Variants in WFDC6 observed in about 807,000 individuals in gnomAD.
WFDC6 encodes the protein WAP four-disulfide core domain 6, also known as WAP four-disulfide core domain protein 6.
Under a neutral mutation model 8.2 loss-of-function variants are expected in WFDC6, and 10 were observed. The ratio of observed to expected loss-of-function variants is 1.22; its 90% CI spans 0.75 to 2.07. The LOEUF is 2.07. Ranked by LOEUF, WFDC6 falls within the 30% of genes most tolerant of loss-of-function variation. The pLI is 0.00. For missense variants in WFDC6, 105 were observed against 104.9 expected (o/e 1.00, Z 0.00); for synonymous variants, 28 against 37.0 (o/e 0.76, Z 0.88).
In WFDC6 at chr20:45,534,368, G is replaced by C; in HGVS notation, c.*99C>G. The stretch of plus-strand genomic sequence containing the variant: ...GTGTGTAAGCAATTCCTGGGGTTCA[G>C]TTTCTGGAACAGCCAAGGTTTGGCC... On this transcript the variant is annotated 3_prime_UTR_variant, in exon 3 of 3. Coordinates refer to ENST00000372670, the MANE Select transcript of WFDC6 (RefSeq NM_080827.2). 7.0e-7 allele frequency: 1 copy of C among 1,428,042 alleles called. No individual in the cohort carries two copies. The highest frequency in any genetic ancestry group is 9.9e-7 in the Non-Finnish European group (1 of 1,011,064). 88.5% of individuals were successfully genotyped at this position (1,428,042 alleles called of 1,614,324 possible).
In WFDC6 at chr20:45,534,423, G is replaced by A. The variant is rs1352930266; in HGVS notation, c.*44C>T. On this transcript the variant is annotated 3_prime_UTR_variant, in exon 3 of 3. Transcript: ENST00000372670. Reference sequence around the variant, plus strand: ...GAAGCCAATTTGGAGCATCAATCAGGCACACGTGGAGAGAGGCCTGGATTA... The same window carrying A: ...GAAGCCAATTTGGAGCATCAATCAGACACACGTGGAGAGAGGCCTGGATTA... 2.4e-5 allele frequency: 39 copies of A among 1,612,452 alleles called. No individual in the cohort carries two copies. The highest frequency in any genetic ancestry group is 3.3e-5 in the Non-Finnish European group (39 of 1,178,644).
intron 2 of WFDC6, among the ~76,000 whole-genome samples, chr20:45,535,617 A>G (rs1979337847): frequency 6.6e-6 from 1 of 152,218 alleles, no homozygotes; most frequent in Non-Finnish European, 1.5e-5. Context: ...CCTCCCCAAC[A>G]TCTGAACACT....
chr20:45,537,643 G>T, intron 2 of WFDC6: 1 of 1,343,180 alleles, frequency 7.4e-7, no homozygotes, highest in Non-Finnish European at 1.0e-6. Flanking sequence ...TGAGACTTTG[G>T]TGACTACTTG....
intron 1 of WFDC6, among the ~76,000 whole-genome samples, chr20:45,538,686 AC>A (rs1320225098): frequency 6.6e-6 from 1 of 152,134 alleles, no homozygotes; most frequent in East Asian, 1.9e-4. Context: ...ATGGGTAAGT[AC>A]TCTTAATATT....
At chr20:45,534,607 T>A in intron 2 of WFDC6, 102 bp from the exon 3 acceptor site, 1 of 1,401,224 alleles carries the variant, frequency 7.1e-7, no homozygotes, top group South Asian at 1.3e-5. Context: ...CATTTTTACA[T>A]CTTTGGGCAG....
rs539522212 is a variant in WFDC6, at chr20:45,538,093, C to T, written c.93G>A (p.Lys31=). The part of the protein sequence containing the change: ...EPGHAEGILG[K]PCPKIKVECE... ...ATTCCACTTTGATTTTGGGACACGG[C>T]TCTAAGGGAGGGGAAGATATATTCC... The change falls in exon 2 of 3, where the codon AAG becomes AAA. Residue 31 remains lysine (K), a splice_region_variant and synonymous_variant. Transcript: ENST00000372670. 84 of 1,613,950 alleles carry T rather than the reference C, an allele frequency of 5.2e-5. 1 individual carries two copies. In the South Asian group the frequency reaches 9.2e-4, roughly 18 times the overall value.
chr20:45,534,519 G>T lies in WFDC6; in HGVS notation c.223-14C>A, dbSNP rs753945319. The stretch of plus-strand genomic sequence containing the variant: ...AGTAAGGCTGACCTGTGAAGCAGAA[G>T]AATAAAGGGTGAGATGCTTGGACCC... On this transcript the variant is annotated splice_polypyrimidine_tract_variant and intron_variant, in intron 2 of 2. Coordinates refer to ENST00000372670, the MANE Select transcript of WFDC6 (RefSeq NM_080827.2). The T allele has an allele frequency of 6.2e-7, 1 of 1,613,812 alleles. No individual in the cohort carries two copies. Among genetic ancestry groups the T allele is most frequent in the South Asian group, 1.1e-5 (1 of 91,056 alleles).
chr20:45,534,641 G>T, intron 2 of WFDC6, 136 bp from the exon 3 acceptor site: 1 of 1,019,812 alleles, frequency 9.8e-7, no homozygotes, highest in South Asian at 1.5e-5. Flanking sequence ...GTGAGTTTGG[G>T]GGCTCCTAGA....
intron 1 of WFDC6, among the ~76,000 whole-genome samples, 159 bp downstream of exon 1, chr20:45,539,158 G>A (rs1458761336): frequency 6.6e-6 from 1 of 152,174 alleles, no homozygotes; most frequent in Non-Finnish European, 1.5e-5. Flanking sequence ...CACCAAGGGA[G>A]TCTCTTACCA....
chr20:45,537,237 CAG>C (rs1979400953), intron 2 of WFDC6: 1 of 416,482 alleles, frequency 2.4e-6, no homozygotes, highest in African/African-American at 2.0e-5. Context: ...CCTCCTGCCA[CAG>C]AGCCTTTGCA....
intron 2 of WFDC6, chr20:45,535,170 T>G: frequency 7.7e-7 from 1 of 1,303,894 alleles, no homozygotes; most frequent in Non-Finnish European, 1.0e-6. Flanking sequence ...TGGTATTTTT[T>G]GCAGGTGACC....
chr20:45,537,935 C>T, intron 2 of WFDC6, 29 bp downstream of exon 2: 2 of 1,613,650 alleles, frequency 1.2e-6, no homozygotes, highest in Non-Finnish European at 1.7e-6. Flanking sequence ...GGTGAGGGCA[C>T]TGGGTAATTT....
At chr20:45,538,240 A>C in intron 1 of WFDC6, 146 bp from the exon 2 acceptor site, 3 of 1,429,906 alleles carry the variant, frequency 2.1e-6, no homozygotes, top group Middle Eastern at 2.3e-4. Flanking sequence ...GGGGCTCAGG[A>C]ATTTCACAAC....
At chr20:45,537,280 C>T in intron 2 of WFDC6, 1 of 540,418 alleles carries the variant, frequency 1.9e-6, no homozygotes, top group South Asian at 2.3e-5. Flanking sequence ...AAGGCTATTT[C>T]TTCCCATTTT....
intron 1 of WFDC6, among the ~76,000 whole-genome samples, chr20:45,538,688 T>G (rs1341040266): frequency 6.6e-6 from 1 of 152,204 alleles, no homozygotes; most frequent in East Asian, 1.9e-4. Context: ...GGGTAAGTAC[T>G]CTTAATATTC....
Sources: gnomAD v4.1 joint callset for allele counts (sites outside exome capture counted in the v4.1 genomes callset) on GRCh38, gnomAD v4.1.1 for gene constraint, MANE v1.5 for transcripts, NCBI Gene and HGNC (gene_info 2026-07-23, HGNC 2026-07-21) for gene names.